Variants in GRID2 observed in about 807,000 individuals in gnomAD.
GRID2 encodes glutamate receptor ionotropic, delta-2.
GRID2 carries 33 observed loss-of-function variants against 114.8 expected under a neutral mutation model. The observed-to-expected ratio is 0.29, with a 90% confidence interval of 0.22 to 0.38. The LOEUF (loss-of-function observed/expected upper bound fraction) is 0.38, where lower values mean the gene tolerates loss of function less well. Among genes scored for constraint, GRID2 ranks in the 10% least tolerant of loss-of-function variants. GRID2 has a pLI of 1.00. For missense variants in GRID2, 1,184 were observed against 1,257.7 expected (o/e 0.94, Z 0.89); for synonymous variants, 505 against 449.9 (o/e 1.12, Z -1.55).
At chr4:92,470,421 A>G (rs1285207332) in intron 1 of GRID2, among the ~76,000 whole-genome samples, 1 of 151,996 alleles carries the variant, frequency 6.6e-6, no homozygotes, top group Non-Finnish European at 1.5e-5. Context: ...TCAAAATTTT[A>G]ACTTAGAAAA....
intron 2 of GRID2, among the ~76,000 whole-genome samples, chr4:93,033,019 T>G (rs977734004): frequency 6.6e-6 from 1 of 152,198 alleles, no homozygotes; most frequent in Non-Finnish European, 1.5e-5. Context: ...TCAAATGACA[T>G]AAAGTAACAC....
rs527821649 is a variant in GRID2, at chr4:93,003,471, G to C, written c.245-81524G>C. 3.3e-5 allele frequency among the ~76,000 whole-genome samples: 5 copies of C among 151,996 alleles called. No homozygotes were observed. In the East Asian group the frequency reaches 7.8e-4, roughly 24 times the overall value. ...ATTGAGAAATATATGGCATGAATAA[G>C]TATATTCAGTTTCCATGGCTATGGC... is the stretch of plus-strand genomic sequence containing the variant. On this transcript the variant is annotated intron_variant, in intron 2 of 15. Coordinates refer to ENST00000282020, the MANE Select transcript of GRID2 (RefSeq NM_001510.4).
chr4:92,716,808 G>A (rs1211150533), intron 2 of GRID2, among the ~76,000 whole-genome samples: 1 of 152,104 alleles, frequency 6.6e-6, no homozygotes, highest in Non-Finnish European at 1.5e-5. Context: ...TCACTTAAAT[G>A]TTTAAAATCT....
At chr4:93,731,709 C>T (rs1253263219) in intron 14 of GRID2, among the ~76,000 whole-genome samples, 2 of 152,172 alleles carry the variant, frequency 1.3e-5, no homozygotes, top group African/African-American at 4.8e-5. Context: ...TATGCAGACT[C>T]ATTCCAGATG....
At chr4:92,522,090 T>C (rs1160865957) in intron 1 of GRID2, among the ~76,000 whole-genome samples, 1 of 151,764 alleles carries the variant, frequency 6.6e-6, no homozygotes, top group Admixed American at 6.6e-5. Context: ...TAGGGGCTGG[T>C]GGCAGTATTA....
chr4:92,941,955 C>A (rs111840957), intron 2 of GRID2, among the ~76,000 whole-genome samples: 5 of 152,086 alleles, frequency 3.3e-5, no homozygotes, highest in South Asian at 4.1e-4. Context: ...AATTTCTGTT[C>A]TTTTACATTT....
chr4:92,399,617 A>G (rs962005561), intron 1 of GRID2, among the ~76,000 whole-genome samples: 2 of 150,274 alleles, frequency 1.3e-5, no homozygotes, highest in Non-Finnish European at 3.0e-5. Context: ...ATTTAACTTT[A>G]TTGGATAGAA....
chr4:93,248,980 TG>T (rs1748515416), intron 8 of GRID2, among the ~76,000 whole-genome samples: 1 of 152,234 alleles, frequency 6.6e-6, no homozygotes, highest in Non-Finnish European at 1.5e-5. Context: ...CTTGTTCCTT[TG>T]TTTTTGGTAC....
chr4:93,128,980 C>T (rs1034176091), intron 4 of GRID2, among the ~76,000 whole-genome samples: 2 of 152,158 alleles, frequency 1.3e-5, no homozygotes. Flanking sequence ...TTTGTATTCT[C>T]AAGATATATT....
intron 8 of GRID2, among the ~76,000 whole-genome samples, chr4:93,358,402 C>A (rs890871486): frequency 6.6e-6 from 1 of 151,710 alleles, no homozygotes; most frequent in African/African-American, 2.4e-5. Context: ...TTTTTAAGTA[C>A]TAATTGTTAA....
chr4:92,842,841 G>A (rs1465910749), intron 2 of GRID2, among the ~76,000 whole-genome samples: 1 of 152,118 alleles, frequency 6.6e-6, no homozygotes, highest in Non-Finnish European at 1.5e-5. Flanking sequence ...AAAGATCTGA[G>A]AGAGCAGATA....
At chr4:93,143,873 T>C (rs1735971372) in intron 4 of GRID2, among the ~76,000 whole-genome samples, 1 of 152,146 alleles carries the variant, frequency 6.6e-6, no homozygotes, top group African/African-American at 2.4e-5. Context: ...ATATGAGCCA[T>C]GTTCTAAGTG....
intron 11 of GRID2, among the ~76,000 whole-genome samples, chr4:93,472,188 G>T (rs2149436092): frequency 6.6e-6 from 1 of 151,776 alleles, no homozygotes; most frequent in Non-Finnish European, 1.5e-5. Flanking sequence ...GCCAAGCATG[G>T]TGGCGCATGC....
At chr4:92,449,424 T>A (rs1720769012) in intron 1 of GRID2, among the ~76,000 whole-genome samples, 1 of 151,812 alleles carries the variant, frequency 6.6e-6, no homozygotes, top group Non-Finnish European at 1.5e-5. Context: ...CCATGTGAAA[T>A]ACAAATTATT....
At chr4:93,039,457 T>TA (rs1260907236) in intron 2 of GRID2, among the ~76,000 whole-genome samples, 1 of 152,020 alleles carries the variant, frequency 6.6e-6, no homozygotes, top group Admixed American at 6.6e-5. Flanking sequence ...CCTTAGAACT[T>TA]AAAGTATAAT....
chr4:92,824,526 TAAAC>T (rs1019499010), intron 2 of GRID2, among the ~76,000 whole-genome samples: 1 of 152,050 alleles, frequency 6.6e-6, no homozygotes, highest in African/African-American at 2.4e-5. Flanking sequence ...TTTCTGAAAA[TAAAC>T]TTTTATTATT....
chr4:92,600,479 T>C (rs748227960), intron 2 of GRID2, among the ~76,000 whole-genome samples: 2 of 152,174 alleles, frequency 1.3e-5, no homozygotes, highest in Non-Finnish European at 2.9e-5. Context: ...GTGTTTAGAA[T>C]TGTGTTGCAC....
At chr4:93,290,978 C>T (rs1303450478) in intron 8 of GRID2, among the ~76,000 whole-genome samples, 1 of 147,542 alleles carries the variant, frequency 6.8e-6, no homozygotes, top group Non-Finnish European at 1.5e-5. Context: ...CCCGGGTTCA[C>T]GCCATTCTCC....
chr4:92,713,340 G>A (rs1028183803), intron 2 of GRID2, among the ~76,000 whole-genome samples: 5 of 150,610 alleles, frequency 3.3e-5, no homozygotes, highest in African/African-American at 4.9e-5. Flanking sequence ...TTAGTAATAG[G>A]AAAAAATAAG....
Sources: gnomAD v4.1 joint callset for allele counts (sites outside exome capture counted in the v4.1 genomes callset) on GRCh38, gnomAD v4.1.1 for gene constraint, MANE v1.5 for transcripts, NCBI Gene and HGNC (gene_info 2026-07-23, HGNC 2026-07-21) for gene names.